SYNE1: variants seen among roughly 807,000 people sequenced by gnomAD.
The protein encoded by SYNE1 is spectrin repeat containing nuclear envelope protein 1, also known as nesprin-1.
Under a neutral mutation model 1,111.0 loss-of-function variants are expected in SYNE1, and 616 were observed. That is an observed-to-expected ratio of 0.55 (90% CI 0.52 to 0.59). SYNE1 has a LOEUF of 0.59. Among genes scored for constraint, SYNE1 ranks in the 20% least tolerant of loss-of-function variants. The pLI is 0.00. For synonymous variants in SYNE1, 3,855 were observed against 3,825.8 expected (o/e 1.01, Z -0.28); for missense variants, 10,006 against 10,417.0 (o/e 0.96, Z 1.72).
At chr6:152,417,127 G>A (rs1481509854) in intron 40 of SYNE1, 112 bp from the exon 41 acceptor site, 17 of 1,432,964 alleles carry the variant, frequency 1.2e-5, no homozygotes, top group Non-Finnish European at 1.5e-5. Context: ...GGATAGTATA[G>A]TACTTAAAGG....
chr6:152,357,689 A>G (rs1020173036), intron 66 of SYNE1, among the ~76,000 whole-genome samples: 1 of 152,126 alleles, frequency 6.6e-6, no homozygotes, highest in Non-Finnish European at 1.5e-5. Flanking sequence ...TGTGTTCCTC[A>G]TCAGATTTCA....
At chr6:152,179,996 A>G (rs994817356) in intron 129 of SYNE1, 140 bp downstream of exon 129, 38 of 997,754 alleles carry the variant, frequency 3.8e-5, no homozygotes, top group African/African-American at 1.6e-4. Flanking sequence ...AGTTTATTTT[A>G]TATTAAAAAG....
chr6:152,357,694 A>T (rs1420321905), intron 66 of SYNE1, among the ~76,000 whole-genome samples: 1 of 152,138 alleles, frequency 6.6e-6, no homozygotes, highest in African/African-American at 2.4e-5. Context: ...TCCTCATCAG[A>T]TTTCAAGTTT....
intron 140 of SYNE1, 130 bp from the exon 141 acceptor site, chr6:152,136,948 C>T (rs556553535): frequency 1.9e-5 from 18 of 933,682 alleles, no homozygotes; most frequent in Non-Finnish European, 2.9e-5. Flanking sequence ...AGGTAAAAGA[C>T]AGAGGGTGCG....
intron 23 of SYNE1, 53 bp from the exon 24 acceptor site, chr6:152,455,643 A>G: frequency 6.2e-7 from 1 of 1,608,362 alleles, no homozygotes; most frequent in Non-Finnish European, 8.5e-7. Flanking sequence ...TACTGAAAGG[A>G]TCATTTTGTT....
At chr6:152,509,248 C>CTTTTTTT (rs11305679) in intron 8 of SYNE1, among the ~76,000 whole-genome samples, 11 of 75,770 alleles carry the variant, frequency 1.5e-4, no homozygotes, top group African/African-American at 2.4e-4. Flanking sequence ...TTTTCTTTTT[C>CTTTTTTT]TTTTTTTTTT....
chr6:152,331,792 T>C lies in SYNE1; in HGVS notation c.12893A>G (p.Gln4298Arg). 6.2e-7 allele frequency: 1 copy of C among 1,614,242 alleles called. No individual in the cohort carries two copies. The highest frequency in any genetic ancestry group is 8.5e-7 in the Non-Finnish European group (1 of 1,180,042). The part of the protein sequence containing the change: ...RKYAIEDLKD[Q>R]KQKMIEHLNL... ...CAGATGCTCTATCATTTTCTGCTTT[T>C]GATCTTTCAGATCTTCAATAGCATA... The change falls in exon 78 of 146, where the codon CAA becomes CGA. Residue 4298 changes from glutamine (Q) to arginine (R), a missense_variant. Physicochemically the swap from Gln to Arg is conservative, Grantham distance 43. Transcript: ENST00000367255.
intron 65 of SYNE1, 122 bp from the exon 66 acceptor site, chr6:152,358,659 A>T: frequency 1.1e-6 from 1 of 901,714 alleles, no homozygotes; most frequent in Non-Finnish European, 1.7e-6. Context: ...AATATGAGTT[A>T]TTTCCTAGAA....
At chr6:152,516,880 C>T (rs1430832367) in intron 6 of SYNE1, among the ~76,000 whole-genome samples, 1 of 152,168 alleles carries the variant, frequency 6.6e-6, no homozygotes, top group African/African-American at 2.4e-5. Context: ...GCCACTGCAT[C>T]TGGTCCTGAA....
chr6:152,482,950 TA>T, intron 14 of SYNE1, 134 bp downstream of exon 14: 1 of 996,340 alleles, frequency 1.0e-6, no homozygotes, highest in Non-Finnish European at 1.6e-6. Context: ...TAGAGAACTC[TA>T]AGAAGGTGTG....
chr6:152,527,796 A>C (rs2099170335), intron 4 of SYNE1, among the ~76,000 whole-genome samples: 1 of 152,264 alleles, frequency 6.6e-6, no homozygotes. Context: ...TTTTGCACCC[A>C]AAAATGATAA....
intron 93 of SYNE1, among the ~76,000 whole-genome samples, chr6:152,299,971 T>C (rs1288333159): frequency 1.3e-5 from 2 of 152,230 alleles, no homozygotes; most frequent in Non-Finnish European, 2.9e-5. Context: ...TTGATTTCTA[T>C]CTAACATTTG....
At chr6:152,301,184 C>T (rs2095148816) in intron 92 of SYNE1, among the ~76,000 whole-genome samples, 1 of 151,298 alleles carries the variant, frequency 6.6e-6, no homozygotes, top group Non-Finnish European at 1.5e-5. Flanking sequence ...ATAAATGCAC[C>T]CAAAGTACTG....
At chr6:152,334,541 A>T (rs1261864856) in intron 76 of SYNE1, among the ~76,000 whole-genome samples, 1 of 152,244 alleles carries the variant, frequency 6.6e-6, no homozygotes, top group African/African-American at 2.4e-5. Flanking sequence ...AAGAAAAACT[A>T]ATACATGTGA....
At chr6:152,309,219 A>T (rs961823641) in intron 90 of SYNE1, among the ~76,000 whole-genome samples, 1 of 152,214 alleles carries the variant, frequency 6.6e-6, no homozygotes, top group Non-Finnish European at 1.5e-5. Flanking sequence ...TTTCTGTCCA[A>T]CAAATTACAA....
chr6:152,371,795 AG>A (rs1341201680), intron 59 of SYNE1, among the ~76,000 whole-genome samples: 1 of 145,030 alleles, frequency 6.9e-6, no homozygotes. Context: ...AAGGCAGGGA[AG>A]GGAAAGGAAA....
At chr6:152,466,268 C>T (rs751882631) in intron 16 of SYNE1, among the ~76,000 whole-genome samples, 190 bp from the exon 17 acceptor site, 4 of 152,286 alleles carry the variant, frequency 2.6e-5, no homozygotes, top group Middle Eastern at 3.4e-3. Context: ...ATTGATTCCA[C>T]GCTTTTGATT....
chr6:152,193,029 ATG>A (rs1477489938), intron 127 of SYNE1, among the ~76,000 whole-genome samples: 3 of 151,982 alleles, frequency 2.0e-5, no homozygotes, highest in Non-Finnish European at 4.4e-5. Flanking sequence ...TAGTCACTCA[ATG>A]TCTTCTGAGT....
intron 101 of SYNE1, among the ~76,000 whole-genome samples, chr6:152,260,438 G>T (rs1201635841): frequency 6.6e-6 from 1 of 152,128 alleles, no homozygotes; most frequent in African/African-American, 2.4e-5. Flanking sequence ...ATACGATTCT[G>T]GGACACCTGC....
Sources: gnomAD v4.1 joint callset for allele counts (sites outside exome capture counted in the v4.1 genomes callset) on GRCh38, gnomAD v4.1.1 for gene constraint, MANE v1.5 for transcripts, NCBI Gene and HGNC (gene_info 2026-07-23, HGNC 2026-07-21) for gene names.